MYT1L: variants seen among roughly 807,000 people sequenced by gnomAD.
MYT1L encodes myelin transcription factor 1-like protein.
MYT1L carries 12 observed loss-of-function variants against 126.7 expected under a neutral mutation model. The ratio of observed to expected loss-of-function variants is 0.09; its 90% confidence interval spans 0.06 to 0.15. MYT1L has a LOEUF of 0.15. Among genes scored for constraint, MYT1L ranks in the 10% least tolerant of loss-of-function variants. The probability of loss-of-function intolerance (pLI) is 1.00; values close to 1 mark genes in which losing one functional copy is unlikely to be tolerated. For synonymous variants in MYT1L, 541 were observed against 604.2 expected, an observed-to-expected ratio of 0.90 and a Z score of 1.53; for missense variants, 979 against 1,585.2, an observed-to-expected ratio of 0.62 and a Z score of 6.49.
chr2:1,857,612 T>C (rs995810259), intron 18 of MYT1L, among the ~76,000 whole-genome samples: 4 of 152,082 alleles, frequency 2.6e-5, no homozygotes, highest in African/African-American at 4.8e-5. Context: ...TATGAAAAAA[T>C]AGATTTTTTT....
intron 4 of MYT1L, among the ~76,000 whole-genome samples, chr2:2,046,300 C>T (rs1356951488): frequency 2.6e-5 from 4 of 152,232 alleles, no homozygotes; most frequent in East Asian, 3.9e-4. Flanking sequence ...TCACCCTGTA[C>T]ATTTTGTTTA....
At position 2,180,628 on chromosome 2, in the gene MYT1L, CTG is replaced by C. The variant is rs770599057; in HGVS notation, c.-420-7642_-420-7641del. 2.5e-4 allele frequency among the ~76,000 whole-genome samples: 30 copies of C among 121,550 alleles called. No individual in the cohort carries two copies. In the South Asian group the frequency reaches 6.8e-3, roughly 28 times the overall value. 79.7% of individuals were successfully genotyped at this position (121,550 alleles called of 152,430 possible). A position where few individuals can be genotyped will look rare whatever the true frequency, so the allele number is the denominator to read the frequency against. On this transcript the variant is annotated intron_variant, in intron 2 of 24. Transcript: ENST00000647738. ...TGTGTGCTTATGTACCTGTGTGTAG[CTG>C]TGTGTGCACCTGTATCTGTACCTGT...
At chr2:2,124,545 C>G (rs1172863217) in intron 3 of MYT1L, among the ~76,000 whole-genome samples, 1 of 152,184 alleles carries the variant, frequency 6.6e-6, no homozygotes, top group Non-Finnish European at 1.5e-5. Context: ...ATGCACCTGC[C>G]TCGGCCTCCC....
chr2:2,278,404 A>G (rs2095398729), intron 2 of MYT1L, among the ~76,000 whole-genome samples: 1 of 152,234 alleles, frequency 6.6e-6, no homozygotes, highest in Non-Finnish European at 1.5e-5. Context: ...CTTTGCATTT[A>G]TTGTAACTTT....
chr2:2,273,217 C>T (rs976543678), intron 2 of MYT1L, among the ~76,000 whole-genome samples: 3 of 152,278 alleles, frequency 2.0e-5, no homozygotes, highest in East Asian at 1.9e-4. Context: ...CAGGACCTTT[C>T]GGCCCTGGTC....
In MYT1L at chr2:2,184,329, C is replaced by A. The variant is rs577330761; in HGVS notation, c.-420-11341G>T. Among the ~76,000 whole-genome samples the A allele has an allele frequency of 3.9e-5, 6 of 152,240 alleles. 1 individual carries two copies. The South Asian group carries it at 1.2e-3, about 32-fold the overall frequency. ...AAGAGAAACAAGTAGAAAGTAAACA[C>A]AAGACAGAGTTCGTCCCTGTAGATT... On this transcript the variant is annotated intron_variant, in intron 2 of 24. Transcript: ENST00000647738.
At chr2:2,103,085 T>C (rs1459901529) in intron 3 of MYT1L, among the ~76,000 whole-genome samples, 2 of 151,840 alleles carry the variant, frequency 1.3e-5, no homozygotes, top group African/African-American at 2.4e-5. Flanking sequence ...CAAGAGGAGG[T>C]TGAGAAAATT....
At chr2:2,275,649 G>A (rs1051423256) in intron 2 of MYT1L, among the ~76,000 whole-genome samples, 23 of 152,094 alleles carry the variant, frequency 1.5e-4, no homozygotes, top group Admixed American at 1.0e-3. Flanking sequence ...TCTCTACCTC[G>A]TCCATGGAAT....
intron 2 of MYT1L, among the ~76,000 whole-genome samples, chr2:2,261,677 G>A (rs1054795461): frequency 3.9e-5 from 6 of 152,128 alleles, no homozygotes; most frequent in Non-Finnish European, 7.4e-5. Context: ...CAAAAACAAC[G>A]TCCACAATTG....
At chr2:2,263,588 C>G (rs763751852) in intron 2 of MYT1L, among the ~76,000 whole-genome samples, 1 of 152,148 alleles carries the variant, frequency 6.6e-6, no homozygotes, top group Non-Finnish European at 1.5e-5. Flanking sequence ...TGCTGCTGCC[C>G]TCCTCTGCCT....
At chr2:1,947,844 T>C (rs2057376389) in intron 8 of MYT1L, among the ~76,000 whole-genome samples, 1 of 152,212 alleles carries the variant, frequency 6.6e-6, no homozygotes, top group Non-Finnish European at 1.5e-5. Flanking sequence ...ACAATATTGG[T>C]ATAATCCTAT....
intron 13 of MYT1L, among the ~76,000 whole-genome samples, chr2:1,909,696 A>G (rs2051621225): frequency 6.6e-6 from 1 of 152,030 alleles, no homozygotes; most frequent in South Asian, 2.1e-4. Flanking sequence ...CGCACTCTGG[A>G]TTTTCTCACT....
chr2:1,977,491 A>G (rs1275151867), intron 8 of MYT1L, among the ~76,000 whole-genome samples: 1 of 152,188 alleles, frequency 6.6e-6, no homozygotes. Flanking sequence ...ACCTCATTAC[A>G]ACTTTTTATA....
chr2:2,176,496 A>G (rs946505186), intron 2 of MYT1L, among the ~76,000 whole-genome samples: 13 of 149,954 alleles, frequency 8.7e-5, no homozygotes, highest in Admixed American at 8.0e-4. Flanking sequence ...TATTTAGGAC[A>G]TAACTTTTTT....
At position 1,793,834 on chromosome 2, in the gene MYT1L, C is replaced by T. The variant is rs2032782666; in HGVS notation, c.3277-1370G>A. Reference sequence around the variant, plus strand: ...TATCAAATTAATGTTCCCCTCCCAGCCGCCCCCTTGCAGGCTCAGGAGTGG... The same window carrying T: ...TATCAAATTAATGTTCCCCTCCCAGTCGCCCCCTTGCAGGCTCAGGAGTGG... On this transcript the variant is annotated intron_variant, in intron 23 of 24. Transcript: ENST00000647738. The surrounding 1 kb of genome is among the most constrained non-coding windows in gnomAD (Gnocchi z 4.6). Among the ~76,000 whole-genome samples, 1 of 152,178 alleles carries T rather than the reference C, an allele frequency of 6.6e-6. No homozygotes were observed. The highest frequency in any genetic ancestry group is 2.1e-4 in the South Asian group (1 of 4,828).
intron 4 of MYT1L, among the ~76,000 whole-genome samples, chr2:2,023,427 G>A (rs992582589): frequency 6.6e-6 from 1 of 152,170 alleles, no homozygotes; most frequent in African/African-American, 2.4e-5. Context: ...GAACTCGGCT[G>A]AGCTCCGCCC....
At chr2:1,884,794 C>T (rs960157846) in intron 18 of MYT1L, among the ~76,000 whole-genome samples, 1 of 152,202 alleles carries the variant, frequency 6.6e-6, no homozygotes, top group Non-Finnish European at 1.5e-5. Context: ...CAGGACAAGA[C>T]AGGAAGGAGG....
At chr2:2,244,127 T>C (rs1342990276) in intron 2 of MYT1L, among the ~76,000 whole-genome samples, 1 of 152,208 alleles carries the variant, frequency 6.6e-6, no homozygotes, top group African/African-American at 2.4e-5. Context: ...CTCAAACTTA[T>C]CAAAAGATTT....
chr2:2,165,970 A>AAAAAATAAAATCTTTTATTTTTTT (rs1489200697), intron 3 of MYT1L, among the ~76,000 whole-genome samples: 2 of 151,990 alleles, frequency 1.3e-5, no homozygotes, highest in African/African-American at 2.4e-5. Context: ...CTACTTTGTA[A>AAAAAATAAAATCTTTTATTTTTTT]AGTTTTAAAG....
Sources: allele counts gnomAD v4.1 joint callset (sites outside exome capture counted in the v4.1 genomes callset), GRCh38; gene constraint gnomAD v4.1.1; non-coding constraint Gnocchi (gnomAD v3.1); transcripts MANE v1.5; gene names NCBI Gene and HGNC (gene_info 2026-07-23, HGNC 2026-07-21).